CSMD1: variants seen among roughly 807,000 people sequenced by gnomAD.
CSMD1 encodes the protein CUB and Sushi multiple domains 1, also known as CUB and sushi domain-containing protein 1.
Under a neutral mutation model 417.5 loss-of-function variants are expected in CSMD1, and 213 were observed. The ratio of observed to expected loss-of-function variants is 0.51; its 90% CI spans 0.46 to 0.57. The LOEUF is 0.57. Among genes scored for constraint, CSMD1 ranks in the 20% least tolerant of loss-of-function variants. The pLI, the probability that CSMD1 is intolerant of heterozygous loss-of-function variation, is 0.00. For missense variants in CSMD1, 6,923 were observed against 4,529.7 expected, an observed-to-expected ratio of 1.53 and a Z score of -15.17; for synonymous variants, 2,862 against 1,736.8, an observed-to-expected ratio of 1.65 and a Z score of -16.11.
intron 12 of CSMD1, among the ~76,000 whole-genome samples, chr8:3,458,501 G>C (rs1380455372): frequency 3.9e-5 from 6 of 152,120 alleles, no homozygotes; most frequent in Non-Finnish European, 7.4e-5. Context: ...CAACAAAAAA[G>C]GGTGATGACT....
rs988121533 is a variant in CSMD1 at position 4,594,316 on chromosome 8, G to T, written c.302+43026C>A. On this transcript the variant is annotated intron_variant, in intron 2 of 69. Coordinates refer to ENST00000635120, the MANE Select transcript of CSMD1 (RefSeq NM_033225.6). ...ACTCCTGGGTTAAAGCGATTCTCCT[G>T]TCTTAGCCTCTTGAGTAGCTGGGAA... Among the ~76,000 whole-genome samples the T allele has an allele frequency of 2.0e-5, 3 of 147,042 alleles. No homozygotes were observed. The East Asian group carries it at 6.1e-4, about 30-fold the overall frequency.
chr8:3,920,328 C>T (rs760668420), intron 5 of CSMD1, among the ~76,000 whole-genome samples: 8 of 151,574 alleles, frequency 5.3e-5, no homozygotes, highest in East Asian at 3.9e-4. Flanking sequence ...AGCCACCGTA[C>T]GTGCCCTATT....
intron 5 of CSMD1, among the ~76,000 whole-genome samples, chr8:3,787,498 C>T (rs962360091): frequency 2.6e-5 from 4 of 152,164 alleles, no homozygotes; most frequent in African/African-American, 4.8e-5. Context: ...AAAATGACAG[C>T]TTATCAGAAG....
chr8:4,375,637 G>C (rs150267395), intron 3 of CSMD1, among the ~76,000 whole-genome samples: 1,668 of 152,224 alleles, frequency 0.011, 31 homozygotes, highest in African/African-American at 0.038. Context: ...GTGGCTGTGG[G>C]ATGGTCGCGG....
chr8:3,942,723 T>C (rs1810965575), intron 5 of CSMD1, among the ~76,000 whole-genome samples: 2 of 152,218 alleles, frequency 1.3e-5, no homozygotes, highest in South Asian at 2.1e-4. Context: ...TAATATAACA[T>C]ACGCTCAAAA....
At chr8:4,238,876 T>A (rs1802223398) in intron 3 of CSMD1, among the ~76,000 whole-genome samples, 1 of 152,222 alleles carries the variant, frequency 6.6e-6, no homozygotes, top group South Asian at 2.1e-4. Context: ...ATGCAATTTT[T>A]TTAGCAAATG....
intron 1 of CSMD1, among the ~76,000 whole-genome samples, chr8:4,931,561 A>G (rs539454603): frequency 7.2e-6 from 1 of 138,228 alleles, no homozygotes; most frequent in South Asian, 2.3e-4. Flanking sequence ...CCCAGACTAT[A>G]GCTGATTTCA....
chr8:4,393,610 G>C (rs1014714912), intron 3 of CSMD1, among the ~76,000 whole-genome samples: 7 of 152,266 alleles, frequency 4.6e-5, no homozygotes, highest in Middle Eastern at 3.4e-3. Context: ...GTTTGGTAAA[G>C]TGTCATTGAT....
At chr8:4,954,255 A>C (rs562544825) in intron 1 of CSMD1, among the ~76,000 whole-genome samples, 1 of 152,332 alleles carries the variant, frequency 6.6e-6, no homozygotes, top group East Asian at 1.9e-4. Context: ...AACAATTACC[A>C]ATTACGATAT....
Position 2,973,063 on chromosome 8 carries a change from C to G in CSMD1, c.8923+54G>C, listed in dbSNP as rs138082084. Reference sequence around the variant, plus strand: ...TAGAATTTTGCCAGGCATTTTAGAACGAGCTGTGTGGTTTTAACTTTCAAG... The same window carrying G: ...TAGAATTTTGCCAGGCATTTTAGAAGGAGCTGTGTGGTTTTAACTTTCAAG... On this transcript the variant is annotated intron_variant, in intron 57 of 69. Transcript: ENST00000635120. 66 of 1,538,488 alleles carry G rather than the reference C, an allele frequency of 4.3e-5. No homozygotes were observed. In the South Asian group the frequency reaches 7.1e-4, roughly 16 times the overall value.
chr8:3,237,063 G>T (rs961566196), intron 26 of CSMD1, among the ~76,000 whole-genome samples: 1 of 152,020 alleles, frequency 6.6e-6, no homozygotes, highest in Non-Finnish European at 1.5e-5. Flanking sequence ...CAGTGGGTCT[G>T]ACTGTTTCCA....
chr8:4,596,999 T>C (rs970572726), intron 2 of CSMD1, among the ~76,000 whole-genome samples: 1 of 152,224 alleles, frequency 6.6e-6, no homozygotes, highest in East Asian at 1.9e-4. Context: ...CCCGCCATGA[T>C]TCTGAGGCCT....
intron 37 of CSMD1, among the ~76,000 whole-genome samples, chr8:3,174,974 T>C (rs975360043): frequency 1.3e-5 from 2 of 152,224 alleles, no homozygotes; most frequent in African/African-American, 4.8e-5. Context: ...TATAGCTAAC[T>C]ACCAATTATA....
At chr8:3,850,707 T>A (rs1803844001) in intron 5 of CSMD1, among the ~76,000 whole-genome samples, 2 of 151,614 alleles carry the variant, frequency 1.3e-5, no homozygotes, top group African/African-American at 4.9e-5. Context: ...AAAATAAATA[T>A]AAATAAACAT....
chr8:4,897,777 A>G (rs1242043641), intron 1 of CSMD1, among the ~76,000 whole-genome samples: 1 of 152,164 alleles, frequency 6.6e-6, no homozygotes, highest in African/African-American at 2.4e-5. Flanking sequence ...TTAAGAATTC[A>G]AGTTATATGC....
At chr8:4,175,302 G>A (rs920543526) in intron 3 of CSMD1, among the ~76,000 whole-genome samples, 4 of 152,100 alleles carry the variant, frequency 2.6e-5, no homozygotes, top group African/African-American at 9.7e-5. Context: ...TTAGGACAGT[G>A]AATCTTCCAT....
chr8:4,508,161 T>TC, intron 2 of CSMD1, among the ~76,000 whole-genome samples: 1 of 8,150 alleles, frequency 1.2e-4, no homozygotes, highest in Admixed American at 1.1e-3. Context: ...AGAGGTAATA[T>TC]TTTTTTTTTT....
intron 5 of CSMD1, among the ~76,000 whole-genome samples, chr8:3,875,355 G>A (rs558788004): frequency 5.9e-5 from 9 of 152,316 alleles, no homozygotes; most frequent in Non-Finnish European, 1.0e-4. Context: ...ATACTAAGAA[G>A]GACAGTGAGT....
intron 5 of CSMD1, among the ~76,000 whole-genome samples, chr8:3,762,303 T>C (rs1027315244): frequency 2.0e-5 from 3 of 152,180 alleles, no homozygotes; most frequent in African/African-American, 7.2e-5. Flanking sequence ...ACTCTGCACC[T>C]GCCTGGTCGT....
Sources: gnomAD v4.1 joint callset for allele counts (sites outside exome capture counted in the v4.1 genomes callset) on GRCh38, gnomAD v4.1.1 for gene constraint, MANE v1.5 for transcripts, NCBI Gene and HGNC (gene_info 2026-07-23, HGNC 2026-07-21) for gene names.